ANKLE2: variants seen among roughly 807,000 people sequenced by gnomAD.
ANKLE2 encodes the protein ankyrin repeat and LEM domain containing 2.
Under a neutral mutation model 84.2 loss-of-function variants are expected in ANKLE2, and 55 were observed. That is an observed-to-expected ratio of 0.65 (90% CI 0.53 to 0.82). The LOEUF (loss-of-function observed/expected upper bound fraction) is 0.82. Among genes scored for constraint, ANKLE2 ranks in the 40% least tolerant of loss-of-function variants. The probability of loss-of-function intolerance (pLI) is 0.00; values close to 1 mark genes in which losing one functional copy is unlikely to be tolerated. For synonymous variants in ANKLE2, 551 were observed against 486.1 expected (o/e 1.13, Z -1.76); for missense variants, 1,238 against 1,201.9 (o/e 1.03, Z -0.44).
chr12:132,740,022 T>C (rs2044089332), intron 7 of ANKLE2, among the ~76,000 whole-genome samples: 1 of 152,206 alleles, frequency 6.6e-6, no homozygotes, highest in South Asian at 2.1e-4. Context: ...CAGAATTGCT[T>C]CCTAAATACC....
At position 132,734,366 on chromosome 12, in the gene ANKLE2, C is replaced by A; in HGVS notation, c.1891+19G>T. ...GGGGGCCCCTCCCAGCTGCCACAGC[C>A]ACGCCTGCACATGCTTACCAGACGT... is the stretch of plus-strand genomic sequence containing the variant. On this transcript the variant is annotated intron_variant, in intron 10 of 12. Coordinates refer to ENST00000357997, the MANE Select transcript of ANKLE2 (RefSeq NM_015114.3). 1 of 1,610,694 alleles carries A rather than the reference C, an allele frequency of 6.2e-7. No homozygotes were observed.
At position 132,734,586 on chromosome 12, in the gene ANKLE2, C is replaced by T; in HGVS notation, c.1701-11G>A. On this transcript the variant is annotated splice_polypyrimidine_tract_variant and intron_variant, in intron 9 of 12. Transcript: ENST00000357997. ...TCATGAGCTAGCTCCCTGTAAGAAA[C>T]AAAACACAATTAACCAGCTGTGAAA... 3 of 1,595,678 alleles carry T rather than the reference C, an allele frequency of 1.9e-6. No individual in the cohort carries two copies. The highest frequency in any genetic ancestry group is 2.6e-6 in the Non-Finnish European group (3 of 1,172,740).
In ANKLE2 at chr12:132,748,334, G is replaced by A; in HGVS notation, c.848-3C>T. The A allele has an allele frequency of 6.2e-7, 1 of 1,614,112 alleles. No homozygotes were observed. The highest frequency in any genetic ancestry group is 1.7e-5 in the Admixed American group (1 of 60,016). Reference sequence around the variant, plus strand: ...TGATTCCGACAAGCACAAACCATCTGTCAGTAAGAGACAGAATTTAAGAAC... The same window carrying A: ...TGATTCCGACAAGCACAAACCATCTATCAGTAAGAGACAGAATTTAAGAAC... On this transcript the variant is annotated splice_polypyrimidine_tract_variant and splice_region_variant and intron_variant, in intron 3 of 12. Coordinates refer to ENST00000357997, the MANE Select transcript of ANKLE2 (RefSeq NM_015114.3).
chr12:132,741,953 C>T, intron 6 of ANKLE2: 1 of 411,736 alleles, frequency 2.4e-6, no homozygotes, highest in Non-Finnish European at 4.8e-6. Flanking sequence ...TTTCTCAGCC[C>T]TTGAAGAATT....
In ANKLE2 at chr12:132,756,956, CA is replaced by C. The variant is rs543972419; in HGVS notation, c.182-1824del. On this transcript the variant is annotated intron_variant, in intron 1 of 12. Coordinates refer to ENST00000357997, the MANE Select transcript of ANKLE2 (RefSeq NM_015114.3). ...AATAAAACAACAACAACAAAAAAAA[CA>C]AAAAAAAAAGAAATAAGTAAATAAA... The C allele has an allele frequency of 4.9e-4, 71 of 143,960 alleles. No individual in the cohort carries two copies. The South Asian group carries it at 8.3e-3, about 17-fold the overall frequency. The allele number at this position is 143,960 out of a possible 1,614,324, so 8.9% of individuals were successfully genotyped here. A position where few individuals can be genotyped will look rare whatever the true frequency, so the allele number is the denominator to read the frequency against.
chr12:132,734,396 G>T lies in ANKLE2; in HGVS notation c.1880C>A (p.Ala627Asp). 1 of 1,614,046 alleles carries T rather than the reference G, an allele frequency of 6.2e-7. No individual in the cohort carries two copies. The highest frequency in any genetic ancestry group is 8.5e-7 in the Non-Finnish European group (1 of 1,179,976). ...CTGCACATGCTTACCAGACGTGGTG[G>T]CTTTATCTCGGCAGGAGGCTTCCCG... ...GEREASCRDKATTSGSNSISV... is the reference protein window; with the variant it reads ...GEREASCRDKDTTSGSNSISV... The change falls in exon 10 of 13, where the codon GCC becomes GAC. Residue 627 changes from alanine (A) to aspartate (D), a missense_variant. This residue lies in a region of ANKLE2 where 802 missense variants were observed against 774.5 expected (regional missense o/e 1.04). Coordinates refer to ENST00000357997, the MANE Select transcript of ANKLE2 (RefSeq NM_015114.3).
chr12:132,754,240 T>C, intron 2 of ANKLE2, among the ~76,000 whole-genome samples: 1 of 152,084 alleles, frequency 6.6e-6, no homozygotes. Context: ...AGACTTTGTC[T>C]CAAAAAATAA....
At chr12:132,732,280 G>C (rs893756871) in intron 10 of ANKLE2, 1 of 135,156 alleles carries the variant, frequency 7.4e-6, no homozygotes, top group Non-Finnish European at 1.6e-5. Context: ...CTGCATCCTG[G>C]TGTCTGATAC....
chr12:132,727,640 G>A (rs1424130575), intron 12 of ANKLE2, among the ~76,000 whole-genome samples, 197 bp from the exon 13 acceptor site: 4 of 150,836 alleles, frequency 2.7e-5, no homozygotes, highest in East Asian at 2.0e-4. Flanking sequence ...GGGCACACGC[G>A]CCCGGGCGGA....
At chr12:132,740,430 A>G (rs1401080401) in intron 7 of ANKLE2, among the ~76,000 whole-genome samples, 1 of 152,184 alleles carries the variant, frequency 6.6e-6, no homozygotes, top group Non-Finnish European at 1.5e-5. Context: ...AAGAACCCGG[A>G]CAGTGTGCAA....
At chr12:132,749,630 C>T (rs2044313795) in intron 3 of ANKLE2, among the ~76,000 whole-genome samples, 1 of 152,196 alleles carries the variant, frequency 6.6e-6, no homozygotes, top group Admixed American at 6.5e-5. Context: ...AGTACCAGCC[C>T]GCCAGGGAAG....
intron 5 of ANKLE2, among the ~76,000 whole-genome samples, 194 bp downstream of exon 5, chr12:132,747,638 G>A (rs1041535921): frequency 6.6e-6 from 1 of 152,190 alleles, no homozygotes; most frequent in African/African-American, 2.4e-5. Context: ...ACAATGCAGG[G>A]GCCAGGGAAC....
intron 10 of ANKLE2, among the ~76,000 whole-genome samples, chr12:132,732,464 G>C (rs866909069): frequency 2.0e-4 from 24 of 117,216 alleles, no homozygotes; most frequent in African/African-American, 6.0e-4. Context: ...CTCTCTGCGT[G>C]CTGGTGTCTG....
At chr12:132,728,333 A>C (rs1490695325) in intron 11 of ANKLE2, among the ~76,000 whole-genome samples, 170 bp from the exon 12 acceptor site, 1 of 152,104 alleles carries the variant, frequency 6.6e-6, no homozygotes, top group Non-Finnish European at 1.5e-5. Context: ...GGGTTCAAGC[A>C]ATTCTCTGCC....
rs954335581 is a variant in ANKLE2, at chr12:132,734,317, G to C, written c.1891+68C>G. The C allele has an allele frequency of 2.0e-6, 3 of 1,498,670 alleles. No homozygotes were observed. The South Asian group carries it at 3.5e-5, about 18-fold the overall frequency. The allele number at this position is 1,498,670 out of a possible 1,614,324, so 92.8% of individuals were successfully genotyped here. A position where few individuals can be genotyped will look rare whatever the true frequency, so the allele number is the denominator to read the frequency against. On this transcript the variant is annotated intron_variant, in intron 10 of 12. Transcript: ENST00000357997. ...ACCAAGAGACGAGAAACAGATGTGC[G>C]CATCCCGTCAGACCCCGGCCATGGG...
chr12:132,730,019 T>G lies in ANKLE2; in HGVS notation c.2143A>C (p.Arg715=). The change falls in exon 11 of 13, where the codon AGA becomes CGA. Residue 715 remains arginine (R), a synonymous_variant. Transcript: ENST00000357997. ...TCCTCCCCACGGGGGGCCTTTGGTCTCTTGCCCGCCAGGGTCCTGCTGTGA... is the reference window on the plus strand; with the variant it reads ...TCCTCCCCACGGGGGGCCTTTGGTCGCTTGCCCGCCAGGGTCCTGCTGTGA... ...LNHSRTLAGK[R]PKAPRGEEAH... is the part of the protein sequence containing the mutation. 6.2e-7 allele frequency: 1 copy of G among 1,613,280 alleles called. No homozygotes were observed. The highest frequency in any genetic ancestry group is 1.3e-5 in the African/African-American group (1 of 75,024).
In ANKLE2 at chr12:132,748,264, G is replaced by A. The variant is rs999479537; in HGVS notation, c.915C>T (p.Arg305=). 1.9e-6 allele frequency: 3 copies of A among 1,614,210 alleles called. No individual in the cohort carries two copies. Among genetic ancestry groups the A allele is most frequent in the South Asian group, 1.1e-5 (1 of 91,086 alleles). The change falls in exon 4 of 13, where the codon CGC becomes CGT. Residue 305 remains arginine (R), a synonymous_variant. Transcript: ENST00000357997. Reference sequence around the variant, plus strand: ...GAAGCTTGGCGGTGAGGTCCTGCGTGCGGGGATTTTTGTAACTGTTCGCTC... The same window carrying A: ...GAAGCTTGGCGGTGAGGTCCTGCGTACGGGGATTTTTGTAACTGTTCGCTC... ...KERANSYKNP[R]TQDLTAKLRK...
chr12:132,753,197 C>T (rs11147047), intron 2 of ANKLE2, among the ~76,000 whole-genome samples: 45,248 of 151,582 alleles, frequency 0.3, 7,943 homozygotes, highest in Non-Finnish European at 0.4. Flanking sequence ...GTGATCCCAG[C>T]GATCCCAAGC....
chr12:132,735,509 C>T lies in ANKLE2; in HGVS notation c.1597G>A (p.Glu533Lys), dbSNP rs1468097077. 12 of 1,611,904 alleles carry T rather than the reference C, an allele frequency of 7.4e-6. No homozygotes were observed. The highest frequency in any genetic ancestry group is 2.2e-5 in the East Asian group (1 of 44,880). ...FAGPLSPAKA[E>K]DFRKLWKTPP... ...GTTTTCCAGAGCTTGCGAAAATCTTCTGCCTATGAAGAAAAAAAAATGTAT... is the reference window on the plus strand; with the variant it reads ...GTTTTCCAGAGCTTGCGAAAATCTTTTGCCTATGAAGAAAAAAAAATGTAT... Residue 533 changes from glutamate to lysine, a missense_variant, in exon 9 of 13, where the codon GAA (glutamate) becomes AAA (lysine). This residue lies in a region of ANKLE2 where 802 missense variants were observed against 774.5 expected (regional missense o/e 1.04). Transcript: ENST00000357997.
Sources: allele counts gnomAD v4.1 joint callset (sites outside exome capture counted in the v4.1 genomes callset), GRCh38; gene constraint gnomAD v4.1.1; regional missense constraint gnomAD v4.1.1; transcripts MANE v1.5; gene names NCBI Gene and HGNC (gene_info 2026-07-23, HGNC 2026-07-21).